TENM3: variants seen among roughly 807,000 people sequenced by gnomAD.
The protein encoded by TENM3 is teneurin transmembrane protein 3.
In TENM3, 63 loss-of-function variants were observed where a neutral mutation model predicts 255.1. That is an observed-to-expected ratio of 0.25 (90% confidence interval 0.20 to 0.30). The LOEUF is 0.30. TENM3 is among the 10% of genes least tolerant of loss of function. The probability of loss-of-function intolerance (pLI) is 1.00; values close to 1 mark genes in which losing one functional copy is unlikely to be tolerated. For synonymous variants in TENM3, 1,306 were observed against 1,322.3 expected, an observed-to-expected ratio of 0.99 and a Z score of 0.27; for missense variants, 2,929 against 3,461.1, an observed-to-expected ratio of 0.85 and a Z score of 3.86.
the TENM3 span, among the ~76,000 whole-genome samples, chr4:182,114,473 C>A: frequency 0.011 from 1,720 of 150,560 alleles, 24 homozygotes; most frequent in African/African-American, 0.039. Context: ...TTCTTTTTTT[C>A]TTTTCTTCTT....
chr4:182,369,271 T>G (rs553420750), intron 3 of TENM3, among the ~76,000 whole-genome samples: 4 of 152,340 alleles, frequency 2.6e-5, no homozygotes, highest in South Asian at 2.1e-4. Flanking sequence ...ATTAGTAGTA[T>G]TATCTGTGTT....
At chr4:181,797,893 G>T in the TENM3 span, among the ~76,000 whole-genome samples, 17 of 152,122 alleles carry the variant, frequency 1.1e-4, no homozygotes, top group Middle Eastern at 3.2e-3. Flanking sequence ...TTCTGACTAT[G>T]ATAATAAATT....
intron 3 of TENM3, among the ~76,000 whole-genome samples, chr4:182,459,323 G>A (rs1475024037): frequency 6.6e-6 from 1 of 152,100 alleles, no homozygotes; most frequent in Non-Finnish European, 1.5e-5. Flanking sequence ...CACTTTGAAA[G>A]CAATAGTATT....
chr4:181,998,331 G>A, the TENM3 span, among the ~76,000 whole-genome samples: 1 of 152,162 alleles, frequency 6.6e-6, no homozygotes, highest in Non-Finnish European at 1.5e-5. Context: ...ATCACCTACA[G>A]AGGCCAACGC....
rs193185709 is a variant in TENM3 at position 182,290,853 on chromosome 4, C to T, written c.-75-33093C>T. Among the ~76,000 whole-genome samples, 4 of 150,600 alleles carry T rather than the reference C, an allele frequency of 2.7e-5. No homozygotes were observed. In the East Asian group the frequency reaches 7.9e-4, roughly 30 times the overall value. On this transcript the variant is annotated intron_variant, in intron 1 of 27. Coordinates refer to ENST00000511685, the MANE Select transcript of TENM3 (RefSeq NM_001080477.4). The stretch of plus-strand genomic sequence containing the variant: ...TGTTTTAATTTGAGACAGAGTCTTG[C>T]TTTGTCGCCCAGGCAGGAGTGCGGT...
the TENM3 span, among the ~76,000 whole-genome samples, chr4:181,658,998 T>A: frequency 6.6e-6 from 1 of 152,064 alleles, no homozygotes; most frequent in African/African-American, 2.4e-5. Context: ...TGAGCCACAG[T>A]CCCCAAAAGT....
intron 3 of TENM3, among the ~76,000 whole-genome samples, chr4:182,443,600 A>G (rs531587108): frequency 6.6e-6 from 1 of 152,266 alleles, no homozygotes; most frequent in Non-Finnish European, 1.5e-5. Flanking sequence ...GGTAGGAATG[A>G]TGTCCCTACC....
the TENM3 span, among the ~76,000 whole-genome samples, chr4:181,902,921 A>G: frequency 3.6e-4 from 55 of 152,362 alleles, no homozygotes; most frequent in African/African-American, 1.3e-3. Flanking sequence ...AACTGAAAGT[A>G]GCATTCGTTG....
At chr4:182,049,424 G>A in the TENM3 span, among the ~76,000 whole-genome samples, 1 of 152,118 alleles carries the variant, frequency 6.6e-6, no homozygotes, top group Non-Finnish European at 1.5e-5. Flanking sequence ...TGAGAGGTGG[G>A]CGGAGAAAGC....
chr4:182,365,431 G>A (rs1766366257), intron 3 of TENM3, among the ~76,000 whole-genome samples: 1 of 152,182 alleles, frequency 6.6e-6, no homozygotes, highest in South Asian at 2.1e-4. Flanking sequence ...CATAGACATA[G>A]GTGTAAGTTT....
rs559027112 is a variant in TENM3 at position 182,568,844 on chromosome 4, A to G, written c.512-32080A>G. 5.9e-5 allele frequency among the ~76,000 whole-genome samples: 9 copies of G among 152,374 alleles called. No individual in the cohort carries two copies. In the East Asian group the frequency reaches 1.3e-3, roughly 23 times the overall value. Reference sequence around the variant, plus strand: ...TACATAGAAAAATGAATGCACCTCAAAAACACTAGGTTAAGCAAAAGTGGC... The same window carrying G: ...TACATAGAAAAATGAATGCACCTCAGAAACACTAGGTTAAGCAAAAGTGGC... On this transcript the variant is annotated intron_variant, in intron 3 of 27. Coordinates refer to ENST00000511685, the MANE Select transcript of TENM3 (RefSeq NM_001080477.4).
chr4:182,271,829 G>A (rs752329929), intron 1 of TENM3, among the ~76,000 whole-genome samples: 12 of 152,170 alleles, frequency 7.9e-5, no homozygotes, highest in Non-Finnish European at 1.3e-4. Flanking sequence ...GGATTATTGC[G>A]CAGGAGGGTC....
At chr4:182,547,189 A>G (rs1344340804) in intron 3 of TENM3, among the ~76,000 whole-genome samples, 1 of 152,152 alleles carries the variant, frequency 6.6e-6, no homozygotes, top group Non-Finnish European at 1.5e-5. Context: ...CTTTACAAAC[A>G]CGTCTCCCAA....
At chr4:182,220,179 C>G (rs576707805) in intron 1 of TENM3, among the ~76,000 whole-genome samples, 1 of 152,028 alleles carries the variant, frequency 6.6e-6, no homozygotes, top group Admixed American at 6.5e-5. Flanking sequence ...GAGTTCAAGA[C>G]TAGCCTGGCC....
chr4:182,666,075 G>C (rs1397235850), intron 6 of TENM3, among the ~76,000 whole-genome samples: 1 of 152,198 alleles, frequency 6.6e-6, no homozygotes, highest in Non-Finnish European at 1.5e-5. Context: ...AGATCTGGTG[G>C]AAATAGCAAG....
the TENM3 span, among the ~76,000 whole-genome samples, chr4:182,100,600 C>CATATATACACACAT: frequency 0.29 from 6,361 of 22,130 alleles, 614 homozygotes; most frequent in Non-Finnish European, 0.35. Flanking sequence ...CATATATACA[C>CATATATACACACAT]ATATATACAC....
chr4:182,014,815 C>T, the TENM3 span, among the ~76,000 whole-genome samples: 1 of 152,014 alleles, frequency 6.6e-6, no homozygotes, highest in African/African-American at 2.4e-5. Context: ...GAGAGCATGC[C>T]CTGGGACCAA....
chr4:182,765,871 G>A (rs1024060651), intron 22 of TENM3, among the ~76,000 whole-genome samples: 5 of 152,104 alleles, frequency 3.3e-5, no homozygotes, highest in African/African-American at 9.7e-5. Context: ...CTGTCAAGGT[G>A]TATTCCAAAA....
the TENM3 span, among the ~76,000 whole-genome samples, chr4:182,100,137 A>G: frequency 1.3e-5 from 2 of 151,948 alleles, no homozygotes; most frequent in African/African-American, 4.8e-5. Flanking sequence ...ATTCCCCTGA[A>G]TCTGCCACCA....
Sources: gnomAD v4.1 joint callset for allele counts (sites outside exome capture counted in the v4.1 genomes callset) on GRCh38, gnomAD v4.1.1 for gene constraint, MANE v1.5 for transcripts, NCBI Gene and HGNC (gene_info 2026-07-23, HGNC 2026-07-21) for gene names.